NLGN1: variants seen among roughly 807,000 people sequenced by gnomAD.
NLGN1 encodes the protein neuroligin-1.
Under a neutral mutation model 65.5 loss-of-function variants are expected in NLGN1, and 12 were observed. The observed-to-expected ratio is 0.18, with a 90% CI of 0.12 to 0.30. NLGN1 has a LOEUF of 0.30. NLGN1 is among the 10% of genes least tolerant of loss of function. The pLI is 1.00. For missense variants in NLGN1, 750 were observed against 1,007.1 expected (o/e 0.74, Z 3.46); for synonymous variants, 350 against 359.5 (o/e 0.97, Z 0.30).
chr3:173,566,839 T>A (rs1370378034), intron 2 of NLGN1, among the ~76,000 whole-genome samples: 1 of 152,126 alleles, frequency 6.6e-6, no homozygotes, highest in East Asian at 1.9e-4. Context: ...GTCTTCAAAT[T>A]TGTATTGAGT....
intron 4 of NLGN1, among the ~76,000 whole-genome samples, chr3:174,154,863 T>C (rs1725040444): frequency 6.8e-6 from 1 of 146,158 alleles, no homozygotes; most frequent in Non-Finnish European, 1.5e-5. Context: ...TAGATAGATA[T>C]AGTATATATA....
intron 1 of NLGN1, among the ~76,000 whole-genome samples, chr3:173,431,205 T>G (rs2148742894): frequency 6.6e-6 from 1 of 152,326 alleles, no homozygotes; most frequent in East Asian, 1.9e-4. Context: ...AAGCACTTTC[T>G]TGACTTCTGG....
At chr3:174,230,165 C>A (rs1368023340) in intron 4 of NLGN1, among the ~76,000 whole-genome samples, 1 of 152,058 alleles carries the variant, frequency 6.6e-6, no homozygotes, top group Non-Finnish European at 1.5e-5. Context: ...GATAGGTGCC[C>A]CATGAGACCT....
At chr3:173,820,065 G>C (rs941549002) in intron 4 of NLGN1, among the ~76,000 whole-genome samples, 24 of 151,976 alleles carry the variant, frequency 1.6e-4, no homozygotes, top group African/African-American at 5.3e-4. Flanking sequence ...TGTAGTCCCA[G>C]CTACTCGGTA....
chr3:174,060,875 A>C (rs1737251241), intron 4 of NLGN1, among the ~76,000 whole-genome samples: 1 of 152,054 alleles, frequency 6.6e-6, no homozygotes, highest in Non-Finnish European at 1.5e-5. Context: ...AGGACACTTA[A>C]GGAGCCATTT....
At chr3:173,811,566 CA>C (rs768913259) in intron 4 of NLGN1, among the ~76,000 whole-genome samples, 3,745 of 46,434 alleles carry the variant, frequency 0.081, 78 homozygotes, top group East Asian at 0.3. Flanking sequence ...AACTCCGTCT[CA>C]AAAAAAAAAA....
chr3:173,913,172 C>G (rs979172791), intron 4 of NLGN1, among the ~76,000 whole-genome samples: 1 of 152,062 alleles, frequency 6.6e-6, no homozygotes, highest in Non-Finnish European at 1.5e-5. Context: ...AAGGAAAAAA[C>G]AGAAAAACAT....
chr3:174,009,301 A>G lies in NLGN1; in HGVS notation c.646+201469A>G, dbSNP rs183302801. Among the ~76,000 whole-genome samples the G allele has an allele frequency of 1.1e-4, 16 of 152,276 alleles. No homozygotes were observed. The East Asian group carries it at 1.9e-3, about 18-fold the overall frequency. ...TTCCATTAGGGAGTAGGGTTTTAACATATTAATTTGGTGGAAGGAAATGAG... is the reference window on the plus strand; with the variant it reads ...TTCCATTAGGGAGTAGGGTTTTAACGTATTAATTTGGTGGAAGGAAATGAG... On this transcript the variant is annotated intron_variant, in intron 4 of 6. Transcript: ENST00000457714.
chr3:173,779,279 A>G (rs988270892), intron 3 of NLGN1, among the ~76,000 whole-genome samples: 3 of 136,962 alleles, frequency 2.2e-5, no homozygotes, highest in Non-Finnish European at 4.7e-5. Flanking sequence ...TTGAACATAG[A>G]CTGCATTTTT....
chr3:174,181,408 G>A lies in NLGN1; in HGVS notation c.647-93907G>A, dbSNP rs116302967. Among the ~76,000 whole-genome samples the A allele has an allele frequency of 3.9e-3, 600 of 152,090 alleles. 1 individual carries two copies. The highest frequency in any genetic ancestry group is 0.014 in the African/African-American group (575 of 41,518). ...TGCTACCATCTCAAGTTTAAATTAA[G>A]TACCCCTCCTCAGGGGCACAGAGCC... On this transcript the variant is annotated intron_variant, in intron 4 of 6. Transcript: ENST00000457714.
At chr3:173,905,709 G>A (rs892098064) in intron 4 of NLGN1, among the ~76,000 whole-genome samples, 8 of 152,130 alleles carry the variant, frequency 5.3e-5, no homozygotes, top group Admixed American at 2.0e-4. Flanking sequence ...CAGAAGACAT[G>A]GATCCAGCAG....
At chr3:174,121,881 C>T (rs1717853694) in intron 4 of NLGN1, among the ~76,000 whole-genome samples, 1 of 152,162 alleles carries the variant, frequency 6.6e-6, no homozygotes. Flanking sequence ...GCTGAGCCTA[C>T]ATGAGCATAT....
chr3:173,756,338 T>C (rs1013000554), intron 3 of NLGN1, among the ~76,000 whole-genome samples: 1 of 151,972 alleles, frequency 6.6e-6, no homozygotes, highest in African/African-American at 2.4e-5. Flanking sequence ...TACATATGTA[T>C]CTTAACTTTG....
At chr3:174,023,959 A>G (rs1477359207) in intron 4 of NLGN1, among the ~76,000 whole-genome samples, 2 of 152,102 alleles carry the variant, frequency 1.3e-5, no homozygotes, top group African/African-American at 4.8e-5. Context: ...TATACCTCTG[A>G]TGACATGCAG....
chr3:173,688,922 G>A (rs996033104), intron 3 of NLGN1, among the ~76,000 whole-genome samples: 5 of 152,134 alleles, frequency 3.3e-5, no homozygotes, highest in African/African-American at 1.2e-4. Flanking sequence ...AAAAAGTTGG[G>A]TTTTTCTGTT....
At chr3:174,133,893 A>AACACACACACAC (rs5854553) in intron 4 of NLGN1, among the ~76,000 whole-genome samples, 4,290 of 144,836 alleles carry the variant, frequency 0.03, 97 homozygotes, top group South Asian at 0.035. Context: ...CACCCCACAA[A>AACACACACACAC]ACACACACAC....
At chr3:173,606,711 G>T (rs1204682696) in intron 3 of NLGN1, among the ~76,000 whole-genome samples, 1 of 151,832 alleles carries the variant, frequency 6.6e-6, no homozygotes, top group Non-Finnish European at 1.5e-5. Flanking sequence ...TTTTTTGTTT[G>T]CTTTGTCTTT....
At chr3:173,661,437 C>T (rs530694372) in intron 3 of NLGN1, among the ~76,000 whole-genome samples, 9 of 152,014 alleles carry the variant, frequency 5.9e-5, no homozygotes, top group African/African-American at 1.2e-4. Context: ...ACTTCAAAGT[C>T]CAGGTTCTCA....
chr3:173,699,333 A>G (rs1439423258), intron 3 of NLGN1, among the ~76,000 whole-genome samples: 1 of 152,238 alleles, frequency 6.6e-6, no homozygotes, highest in Non-Finnish European at 1.5e-5. Context: ...ATTTAGGGCA[A>G]ATCCAAAATC....
Sources: allele counts gnomAD v4.1 joint callset (sites outside exome capture counted in the v4.1 genomes callset), GRCh38; gene constraint gnomAD v4.1.1; transcripts MANE v1.5; gene names NCBI Gene and HGNC (gene_info 2026-07-23, HGNC 2026-07-21).